The following TMEM184C variants were observed in gnomAD, a reference collection of about 807,000 sequenced individuals.
TMEM184C encodes the protein transmembrane protein 34.
A neutral mutation model predicts 54.5 loss-of-function variants in TMEM184C; 25 were observed. That is an observed-to-expected ratio of 0.46 (90% CI 0.33 to 0.64). The LOEUF (loss-of-function observed/expected upper bound fraction) is 0.64, where lower values mean the gene tolerates loss of function less well. Among genes scored for constraint, TMEM184C ranks in the 30% least tolerant of loss-of-function variants. The probability of loss-of-function intolerance (pLI) is 0.02; values close to 1 mark genes in which losing one functional copy is unlikely to be tolerated. For missense variants in TMEM184C, 335 were observed against 520.3 expected, an observed-to-expected ratio of 0.64 and a Z score of 3.46; for synonymous variants, 148 against 181.5, an observed-to-expected ratio of 0.82 and a Z score of 1.49.
chr4:147,625,615 G>A (rs1192746411), intron 4 of TMEM184C, among the ~76,000 whole-genome samples: 1 of 152,188 alleles, frequency 6.6e-6, no homozygotes, highest in Non-Finnish European at 1.5e-5. Flanking sequence ...TTGGAAGGAA[G>A]AAGATTCCAG....
intron 1 of TMEM184C, among the ~76,000 whole-genome samples, chr4:147,621,025 C>T (rs1389925912): frequency 1.3e-5 from 2 of 152,212 alleles, no homozygotes; most frequent in African/African-American, 4.8e-5. Context: ...GAAGCTCATC[C>T]CATGCCCATG....
rs1458147061 is a variant in TMEM184C, at chr4:147,629,598, G to C, written c.573-1G>C. 2.5e-6 allele frequency: 4 copies of C among 1,587,520 alleles called. No homozygotes were observed. Among genetic ancestry groups the C allele is most frequent in the Non-Finnish European group, 3.4e-6 (4 of 1,169,150 alleles). On this transcript the variant is annotated splice_acceptor_variant, in intron 5 of 9. Coordinates refer to ENST00000296582, the MANE Select transcript of TMEM184C (RefSeq NM_018241.3). LOFTEE classifies it high-confidence loss of function. ...AGATATCTCATTTTTACTATTTTTA[G>C]AATCTGTGAGCTGCTTGGTATATAT...
Position 147,631,465 on chromosome 4 carries a change from A to G in TMEM184C, c.739A>G (p.Lys247Glu). Reference protein sequence around the residue: ...EELSPIQPVGKFLCVKLVVFV... With the variant: ...EELSPIQPVGEFLCVKLVVFV... Reference sequence around the variant, plus strand: ...ACTGAGCCCAATCCAACCTGTTGGCAAATTTCTTTGTGTAAAGCTGGTGGT... The same window carrying G: ...ACTGAGCCCAATCCAACCTGTTGGCGAATTTCTTTGTGTAAAGCTGGTGGT... Residue 247 changes from lysine (K) to glutamate (E), a missense_variant, in exon 7 of 10, where the codon AAA becomes GAA. Lys to Glu is a moderately conservative substitution (Grantham distance 56). Transcript: ENST00000296582. 2 of 1,608,424 alleles carry G rather than the reference A, an allele frequency of 1.2e-6. No individual in the cohort carries two copies. Among genetic ancestry groups the G allele is most frequent in the Non-Finnish European group, 1.7e-6 (2 of 1,178,854 alleles).
intron 1 of TMEM184C, among the ~76,000 whole-genome samples, chr4:147,618,464 T>C (rs4835090): frequency 1 from 152,268 of 152,342 alleles, 76,097 homozygotes; most frequent in Non-Finnish European, 1. Flanking sequence ...AACTAGCTTC[T>C]TGAATCAAAG....
Position 147,622,083 on chromosome 4 carries a change from C to T in TMEM184C, c.124-1751C>T, listed in dbSNP as rs577284303. ...CACTGCAGCTTTGACCTTCTGGGCT[C>T]AAGTGATCCTCTGGCACCCGGCTAA... is the stretch of plus-strand genomic sequence containing the variant. On this transcript the variant is annotated intron_variant, in intron 1 of 9. Transcript: ENST00000296582. 2.0e-5 allele frequency among the ~76,000 whole-genome samples: 3 copies of T among 149,962 alleles called. No individual in the cohort carries two copies. The East Asian group carries it at 5.9e-4, about 30-fold the overall frequency.
chr4:147,629,031 A>G (rs1732863600), intron 5 of TMEM184C, among the ~76,000 whole-genome samples: 1 of 152,174 alleles, frequency 6.6e-6, no homozygotes, highest in Non-Finnish European at 1.5e-5. Context: ...TTGTGAAAGA[A>G]TTCTTTATTC....
At chr4:147,622,778 T>C (rs945781209) in intron 1 of TMEM184C, among the ~76,000 whole-genome samples, 3 of 152,334 alleles carry the variant, frequency 2.0e-5, no homozygotes, top group Admixed American at 1.3e-4. Flanking sequence ...GTTTTTGTTT[T>C]TGAGACAGGG....
At chr4:147,626,044 A>G (rs965273281) in intron 4 of TMEM184C, among the ~76,000 whole-genome samples, 3 of 152,116 alleles carry the variant, frequency 2.0e-5, no homozygotes, top group Non-Finnish European at 2.9e-5. Context: ...GGTGGGGGCC[A>G]CAAGGTGAGA....
chr4:147,629,604 G>A lies in TMEM184C; in HGVS notation c.578G>A (p.Cys193Tyr). 6.3e-7 allele frequency: 1 copy of A among 1,590,692 alleles called. No individual in the cohort carries two copies. The highest frequency in any genetic ancestry group is 1.2e-5 in the South Asian group (1 of 85,644). Residue 193 changes from cysteine (C) to tyrosine (Y), a missense_variant, in exon 6 of 10, where the codon TGT becomes TAT. Cys to Tyr is a radical substitution (Grantham distance 194, BLOSUM62 -2). Transcript: ENST00000296582. ...RPFTTIVALICELLGIYDEGN... is the reference protein window; with the variant it reads ...RPFTTIVALIYELLGIYDEGN... ...CTCATTTTTACTATTTTTAGAATCT[G>A]TGAGCTGCTTGGTATATATGACGAA...
intron 1 of TMEM184C, among the ~76,000 whole-genome samples, chr4:147,623,444 AAG>A (rs1252233186): frequency 0.01 from 1,577 of 151,676 alleles, 26 homozygotes; most frequent in African/African-American, 0.036. Context: ...AAAAAAAAAA[AAG>A]AAAAAGAAAA....
At chr4:147,618,725 T>C (rs890006978) in intron 1 of TMEM184C, among the ~76,000 whole-genome samples, 1 of 152,226 alleles carries the variant, frequency 6.6e-6, no homozygotes, top group African/African-American at 2.4e-5. Context: ...TTACAAGAAC[T>C]ATAATAAGAC....
rs1357507028 is a variant in TMEM184C, at chr4:147,635,274, T to G, written c.*840T>G. 2.6e-5 allele frequency: 4 copies of G among 152,262 alleles called. No homozygotes were observed. The East Asian group carries it at 7.7e-4, about 29-fold the overall frequency. The allele number at this position is 152,262 out of a possible 1,614,324, so 9.4% of individuals were successfully genotyped here. On this transcript the variant is annotated 3_prime_UTR_variant, in exon 10 of 10. Transcript: ENST00000296582. Reference sequence around the variant, plus strand: ...CTTTAAACATTAAAAACCCTTAATATTTTAACAAAAATTTCTTGATTAGAG... The same window carrying G: ...CTTTAAACATTAAAAACCCTTAATAGTTTAACAAAAATTTCTTGATTAGAG...
At position 147,635,638 on chromosome 4, in the gene TMEM184C, G is replaced by T. The variant is rs1461007494; in HGVS notation, c.*1204G>T. The T allele has an allele frequency of 1.3e-5, 2 of 152,068 alleles. No individual in the cohort carries two copies. The highest frequency in any genetic ancestry group is 2.4e-5 in the African/African-American group (1 of 41,422). The allele number at this position is 152,068 out of a possible 1,614,324, so 9.4% of individuals were successfully genotyped here. A position where few individuals can be genotyped will look rare whatever the true frequency, so the allele number is the denominator to read the frequency against. On this transcript the variant is annotated 3_prime_UTR_variant, in exon 10 of 10. Coordinates refer to ENST00000296582, the MANE Select transcript of TMEM184C (RefSeq NM_018241.3). The stretch of plus-strand genomic sequence containing the variant: ...ATTCATATCTATCTATATATATAGA[G>T]AGAGATAGTGGTTCACAGTAATCAT...
intron 7 of TMEM184C, 30 bp downstream of exon 7, chr4:147,631,535 AT>A: frequency 1.9e-6 from 3 of 1,557,054 alleles, no homozygotes; most frequent in African/African-American, 1.4e-5. Flanking sequence ...AAATGTTCTC[AT>A]TTTTTTAAGG....
At chr4:147,632,850 T>G (rs1732941313) in intron 7 of TMEM184C, 53 bp from the exon 8 acceptor site, 10 of 1,525,526 alleles carry the variant, frequency 6.6e-6, no homozygotes, top group South Asian at 5.8e-5. Flanking sequence ...TTAAAACTAC[T>G]GCTCATTTTA....
intron 6 of TMEM184C, among the ~76,000 whole-genome samples, chr4:147,630,988 A>T (rs1460781372): frequency 6.6e-6 from 1 of 152,120 alleles, no homozygotes; most frequent in Non-Finnish European, 1.5e-5. Flanking sequence ...TTGAAATTGT[A>T]CTTGTTTAAT....
At position 147,621,450 on chromosome 4, in the gene TMEM184C, G is replaced by T. The variant is rs187260202; in HGVS notation, c.124-2384G>T. 3.8e-3 allele frequency among the ~76,000 whole-genome samples: 579 copies of T among 152,210 alleles called. 5 individuals are homozygous for T. Among genetic ancestry groups the T allele is most frequent in the African/African-American group, 0.013 (548 of 41,518 alleles). On this transcript the variant is annotated intron_variant, in intron 1 of 9. Transcript: ENST00000296582. The stretch of plus-strand genomic sequence containing the variant: ...TCAACTCATGGCTGATAAAGATTAA[G>T]AATAATATTACTGGTATCTACATCA...
At chr4:147,628,025 G>GGTATGCAGATA (rs908416228) in intron 4 of TMEM184C, among the ~76,000 whole-genome samples, 1 of 151,986 alleles carries the variant, frequency 6.6e-6, no homozygotes, top group Admixed American at 6.6e-5. Flanking sequence ...CAGGTGTGGT[G>GGTATGCAGATA]GTATGCAGAT....
At chr4:147,631,594 G>T in intron 7 of TMEM184C, 89 bp downstream of exon 7, 4 of 876,240 alleles carry the variant, frequency 4.6e-6, no homozygotes, top group South Asian at 1.6e-5. Flanking sequence ...GTCTTAATGC[G>T]GAAGATAGAT....
Sources: allele counts gnomAD v4.1 joint callset (sites outside exome capture counted in the v4.1 genomes callset), GRCh38; gene constraint gnomAD v4.1.1; transcripts MANE v1.5; gene names NCBI Gene and HGNC (gene_info 2026-07-23, HGNC 2026-07-21).